The following RTL1 variants were observed in gnomAD, a reference collection of about 807,000 sequenced individuals.
RTL1 encodes retrotransposon-like protein 1.
For synonymous variants in RTL1, 727 were observed against 748.4 expected, an observed-to-expected ratio of 0.97 and a Z score of 0.47; for missense variants, 1,681 against 1,767.5, an observed-to-expected ratio of 0.95 and a Z score of 0.88.
chr14:100,882,422 C>T lies in RTL1; in HGVS notation c.2367G>A (p.Leu789=). Residue 789 remains leucine (L), a synonymous_variant, in exon 4 of 4, where the codon CTG becomes CTA. Transcript: ENST00000649591. ...TTATGATGGTCATGACGTTCTTGTT[C>T]AGTTTCACCCCTTTGGGGGTGACGA... ...GFVVTPKGVK[L]NKNVMTIITG... is the part of the protein sequence containing the mutation. 2 of 1,552,050 alleles carry T rather than the reference C, an allele frequency of 1.3e-6. No individual in the cohort carries two copies. Among genetic ancestry groups the T allele is most frequent in the East Asian group, 4.9e-5 (2 of 40,910 alleles).
Position 100,883,595 on chromosome 14 carries a change from G to T in RTL1, c.1194C>A (p.Ser398Arg), listed in dbSNP as rs184028893. The T allele has an allele frequency of 5.7e-5, 89 of 1,551,282 alleles. No individual in the cohort carries two copies. Among genetic ancestry groups the T allele is most frequent in the Non-Finnish European group, 7.6e-5 (87 of 1,146,972 alleles). ...CGCGATTGATGTCCGGATGGACTTC[G>T]CTGGGCAACCAGCTGCTGACCATCC... ...ERWMVSSWLPSEVHPDINRAH... is the reference protein window; with the variant it reads ...ERWMVSSWLPREVHPDINRAH... The change falls in exon 4 of 4, where the codon AGC (serine) becomes AGA (arginine). Residue 398 changes from serine (S) to arginine (R), a missense_variant. By Grantham distance (110) the Ser-to-Arg change is moderately radical (BLOSUM62 -1). Coordinates refer to ENST00000649591, the MANE Select transcript of RTL1 (RefSeq NM_001134888.3). This position sits in a 1 kb window ranked among gnomAD's most constrained non-coding sequence, Gnocchi z 5.9.
rs2140065344 is a variant in RTL1 at position 100,903,721 on chromosome 14, G to A, written c.-361C>T. 6.6e-6 allele frequency among the ~76,000 whole-genome samples: 1 copy of A among 152,314 alleles called. No homozygotes were observed. The highest frequency in any genetic ancestry group is 2.1e-4 in the South Asian group (1 of 4,824). On this transcript the variant is annotated 5_prime_UTR_variant, in exon 1 of 4. Coordinates refer to ENST00000649591, the MANE Select transcript of RTL1 (RefSeq NM_001134888.3). ...AGGCTGTGCCGAGTGCTGGGGGGGT[G>A]TGGGTGGGCAGGGGACGGATTGATT...
In RTL1 at chr14:100,879,898, T is replaced by A. The variant is rs766068124; in HGVS notation, c.*814A>T. Among the ~76,000 whole-genome samples, 1 of 151,892 alleles carries A rather than the reference T, an allele frequency of 6.6e-6. No individual in the cohort carries two copies. Among genetic ancestry groups the A allele is most frequent in the Non-Finnish European group, 1.5e-5 (1 of 67,992 alleles). ...CGGCATGGTCCCCTGGGTGTCTGTGTGCCTTCTGGGACTCCATCCCTGTAT... is the reference window on the plus strand; with the variant it reads ...CGGCATGGTCCCCTGGGTGTCTGTGAGCCTTCTGGGACTCCATCCCTGTAT... On this transcript the variant is annotated 3_prime_UTR_variant, in exon 4 of 4. Coordinates refer to ENST00000649591, the MANE Select transcript of RTL1 (RefSeq NM_001134888.3).
intron 3 of RTL1, among the ~76,000 whole-genome samples, chr14:100,892,019 T>C (rs1487671310): frequency 6.6e-6 from 1 of 152,202 alleles, no homozygotes; most frequent in African/African-American, 2.4e-5. Flanking sequence ...GCTGCTCCTA[T>C]AAATTGGGGT....
chr14:100,883,922 C>T lies in RTL1; in HGVS notation c.867G>A (p.Glu289=). The T allele has an allele frequency of 1.3e-6, 2 of 1,551,674 alleles. No individual in the cohort carries two copies. The highest frequency in any genetic ancestry group is 1.4e-5 in the African/African-American group (1 of 73,174). The change falls in exon 4 of 4, where the codon GAG becomes GAA. Residue 289 remains glutamate, a synonymous_variant. Coordinates refer to ENST00000649591, the MANE Select transcript of RTL1 (RefSeq NM_001134888.3). This position sits in a 1 kb window ranked among gnomAD's most constrained non-coding sequence, Gnocchi z 5.9. ...EYRQALRVAE[E]AMFTIRQGGR... ...CGCCCTGCCTGATGGTGAACATGGCCTCTTCTGCCACACGCAGTGCCTGGC... is the reference window on the plus strand; with the variant it reads ...CGCCCTGCCTGATGGTGAACATGGCTTCTTCTGCCACACGCAGTGCCTGGC...
Position 100,880,868 on chromosome 14 carries a change from G to C in RTL1, c.3921C>G (p.His1307Gln), listed in dbSNP as rs1229074938. The change falls in exon 4 of 4, where the codon CAC becomes CAG. Residue 1307 changes from histidine (H) to glutamine (Q), a missense_variant. By Grantham distance (24) the His-to-Gln change is conservative. Transcript: ENST00000649591. Reference protein sequence around the residue: ...LHIHSADGQLHLLSREQAARA... With the variant: ...LHIHSADGQLQLLSREQAARA... ...TGGCTGCCTGCTCCCGGCTGAGCAGGTGCAGCTGGCCATCTGCACTGTGGA... is the reference window on the plus strand; with the variant it reads ...TGGCTGCCTGCTCCCGGCTGAGCAGCTGCAGCTGGCCATCTGCACTGTGGA... 6.5e-7 allele frequency: 1 copy of C among 1,550,076 alleles called. No homozygotes were observed. The highest frequency in any genetic ancestry group is 8.7e-7 in the Non-Finnish European group (1 of 1,146,866).
rs757798031 is a variant in RTL1 at position 100,881,098 on chromosome 14, C to T, written c.3691G>A (p.Val1231Ile). The T allele has an allele frequency of 2.1e-5, 33 of 1,591,604 alleles. No homozygotes were observed. The highest frequency in any genetic ancestry group is 4.6e-5 in the East Asian group (2 of 43,664). Residue 1231 changes from valine to isoleucine, a missense_variant, in exon 4 of 4, where the codon GTC (valine) becomes ATC (isoleucine). By Grantham distance (29) the Val-to-Ile change is conservative. Transcript: ENST00000649591. This position sits in a 1 kb window ranked among gnomAD's most constrained non-coding sequence, Gnocchi z 6.6. ...TCGTCTTGCAGGGCTTCTCGCAAGA[C>T]GACATCCTCATCACCAACGACGTGC... ...ELHVVGDEDV[V>I]LREALQDDLQ...
chr14:100,901,638 C>T (rs911336333), intron 2 of RTL1, among the ~76,000 whole-genome samples: 19 of 152,342 alleles, frequency 1.2e-4, no homozygotes, highest in Middle Eastern at 3.4e-3. Flanking sequence ...CAGACCTCCT[C>T]GCTCCTTCCA....
In RTL1 at chr14:100,883,841, G is replaced by A; in HGVS notation, c.948C>T (p.Gly316=). The A allele has an allele frequency of 6.4e-7, 1 of 1,551,664 alleles. No homozygotes were observed. The highest frequency in any genetic ancestry group is 8.7e-7 in the Non-Finnish European group (1 of 1,146,998). Residue 316 remains glycine, a synonymous_variant, in exon 4 of 4, where the codon GGC becomes GGT. Coordinates refer to ENST00000649591, the MANE Select transcript of RTL1 (RefSeq NM_001134888.3). The surrounding 1 kb of genome is among the most constrained non-coding windows in gnomAD (Gnocchi z 5.9). ...DEFQSLVPIL[G]WPDEVLQAHL... is the part of the protein sequence containing the mutation. ...GGGCCTGCAGGACTTCATCTGGCCAGCCCAAGATGGGTACCAGGCTCTGGA... is the reference window on the plus strand; with the variant it reads ...GGGCCTGCAGGACTTCATCTGGCCAACCCAAGATGGGTACCAGGCTCTGGA...
chr14:100,892,380 T>G (rs1045891816), intron 3 of RTL1, among the ~76,000 whole-genome samples: 2 of 152,138 alleles, frequency 1.3e-5, no homozygotes, highest in African/African-American at 4.8e-5. Flanking sequence ...AAGGGGATGA[T>G]TAGAAAGGTA....
At chr14:100,892,293 C>A (rs963004899) in intron 3 of RTL1, among the ~76,000 whole-genome samples, 22 of 152,122 alleles carry the variant, frequency 1.4e-4, no homozygotes, top group African/African-American at 5.1e-4. Flanking sequence ...GAGGGCCCCA[C>A]CTCAGGGCCT....
At chr14:100,886,795 C>T (rs2038703205) in intron 3 of RTL1, among the ~76,000 whole-genome samples, 1 of 152,186 alleles carries the variant, frequency 6.6e-6, no homozygotes, top group Non-Finnish European at 1.5e-5. Flanking sequence ...ATAAAAATCT[C>T]AGCATGTCTC....
intron 3 of RTL1, among the ~76,000 whole-genome samples, chr14:100,888,951 G>A (rs1404788422): frequency 6.6e-6 from 1 of 152,082 alleles, no homozygotes; most frequent in African/African-American, 2.4e-5. Context: ...TAAATTGGTG[G>A]CTGTTACTTT....
At chr14:100,903,158 G>C (rs772586302) in intron 2 of RTL1, among the ~76,000 whole-genome samples, 133 bp downstream of exon 2, 1 of 152,132 alleles carries the variant, frequency 6.6e-6, no homozygotes, top group Non-Finnish European at 1.5e-5. Flanking sequence ...AGTTTTTCCC[G>C]GCGGCTTCCT....
rs564350624 is a variant in RTL1 at position 100,881,705 on chromosome 14, C to T, written c.3084G>A (p.Thr1028=). 76 of 1,578,192 alleles carry T rather than the reference C, an allele frequency of 4.8e-5. No homozygotes were observed. Among genetic ancestry groups the T allele is most frequent in the Admixed American group, 1.7e-4 (9 of 53,034 alleles). ...CTTCATTCTCTTCTTCCCCGGATTCCGTCGATGGATCCCTGGGGAATCCCC... is the reference window on the plus strand; with the variant it reads ...CTTCATTCTCTTCTTCCCCGGATTCTGTCGATGGATCCCTGGGGAATCCCC... ...ASRGFPRDPS[T]ESGEEENEEQ... Residue 1028 remains threonine (T), a synonymous_variant, in exon 4 of 4, where the codon ACG becomes ACA. Transcript: ENST00000649591. The surrounding 1 kb of genome is among the most constrained non-coding windows in gnomAD (Gnocchi z 6.6).
chr14:100,882,619 G>C lies in RTL1; in HGVS notation c.2170C>G (p.Leu724Val). 1 of 1,551,726 alleles carries C rather than the reference G, an allele frequency of 6.4e-7. No individual in the cohort carries two copies. Among genetic ancestry groups the C allele is most frequent in the Non-Finnish European group, 8.7e-7 (1 of 1,147,002 alleles). ...CCATAAGAAAGCACAAAGAACCCTA[G>C]CATGTCCTTTAGGATGAAGTGAATC... ...NVIHFILKDMLGFFVLSYGQE... is the reference protein window; with the variant it reads ...NVIHFILKDMVGFFVLSYGQE... Residue 724 changes from leucine (L) to valine (V), a missense_variant, in exon 4 of 4, where the codon CTA becomes GTA. Coordinates refer to ENST00000649591, the MANE Select transcript of RTL1 (RefSeq NM_001134888.3).
chr14:100,900,196 T>G (rs935038261), intron 2 of RTL1, among the ~76,000 whole-genome samples: 5 of 152,238 alleles, frequency 3.3e-5, no homozygotes, highest in Admixed American at 1.3e-4. Flanking sequence ...GGAACAGTGG[T>G]TACAGTCTCC....
chr14:100,881,117 G>T lies in RTL1; in HGVS notation c.3672C>A (p.Val1224=), dbSNP rs369638364. 3 of 1,576,898 alleles carry T rather than the reference G, an allele frequency of 1.9e-6. No homozygotes were observed. The highest frequency in any genetic ancestry group is 2.6e-6 in the Non-Finnish European group (3 of 1,160,544). Residue 1224 remains valine, a synonymous_variant, in exon 4 of 4, where the codon GTC becomes GTA. Transcript: ENST00000649591. This position sits in a 1 kb window ranked among gnomAD's most constrained non-coding sequence, Gnocchi z 6.6. ...LRQNRYLELH[V]VGDEDVVLRE... is the part of the protein sequence containing the mutation. ...GCAAGACGACATCCTCATCACCAAC[G>T]ACGTGCAGCTCCAGGTAGCGGTTCT... is the stretch of plus-strand genomic sequence containing the variant.
intron 3 of RTL1, among the ~76,000 whole-genome samples, chr14:100,888,351 C>G (rs1372024575): frequency 6.6e-6 from 1 of 152,182 alleles, no homozygotes; most frequent in Non-Finnish European, 1.5e-5. Context: ...TTGCCTGTAA[C>G]ATAAAGTCCC....
Sources: allele counts gnomAD v4.1 joint callset (sites outside exome capture counted in the v4.1 genomes callset), GRCh38; gene constraint gnomAD v4.1.1; non-coding constraint Gnocchi (gnomAD v3.1); transcripts MANE v1.5; gene names NCBI Gene and HGNC (gene_info 2026-07-23, HGNC 2026-07-21).